The following GREM1 variants were observed in gnomAD, a reference collection of about 807,000 sequenced individuals.
GREM1 encodes gremlin 1, DAN family BMP antagonist.
GREM1 carries 6 observed loss-of-function variants against 13.1 expected under a neutral mutation model. That is an observed-to-expected ratio of 0.46 (90% CI 0.25 to 0.91). The LOEUF (loss-of-function observed/expected upper bound fraction) is 0.91. Ranked by LOEUF, GREM1 falls within the 40% of genes least tolerant of loss-of-function variation. The pLI, the probability that GREM1 is intolerant of heterozygous loss-of-function variation, is 0.18. For missense variants in GREM1, 185 were observed against 233.9 expected (o/e 0.79, Z 1.36); for synonymous variants, 98 against 93.7 (o/e 1.05, Z -0.27).
At position 32,730,144 on chromosome 15, in the gene GREM1, T is replaced by A. The variant is rs546287387; in HGVS notation, c.-1-546T>A. Among the ~76,000 whole-genome samples the A allele has an allele frequency of 7.9e-5, 12 of 152,334 alleles. 1 individual carries two copies. Among genetic ancestry groups the A allele is most frequent in the Admixed American group, 7.8e-4 (12 of 15,308 alleles). ...TGCACCAGGAGCGCGACCTTTCCTG[T>A]TTTGTTGTTTTCCCTCTGTCAAATG... is the stretch of plus-strand genomic sequence containing the variant. On this transcript the variant is annotated intron_variant, in intron 1 of 1. Coordinates refer to ENST00000651154, the MANE Select transcript of GREM1 (RefSeq NM_013372.7).
Position 32,738,125 on chromosome 15 carries a change from A to AAAAAAAAC in GREM1, c.*6887_*6888insCAAAAAAA. Reference sequence around the variant, plus strand: ...AAAAAAAAAAAAAAAAAAAAAAAAAAAAAAAAAAGAAAAGAAAAAAGTCAT... The same window carrying AAAAAAAAC: ...AAAAAAAAAAAAAAAAAAAAAAAAAAAAAAAAACAAAAAAAAGAAAAGAAAAAAGTCAT... On this transcript the variant is annotated 3_prime_UTR_variant, in exon 2 of 2. Coordinates refer to ENST00000651154, the MANE Select transcript of GREM1 (RefSeq NM_013372.7). 3.6e-5 allele frequency: 1 copy of AAAAAAAAC among 27,966 alleles called. No homozygotes were observed. Among genetic ancestry groups the AAAAAAAAC allele is most frequent in the Non-Finnish European group, 6.2e-5 (1 of 16,082 alleles). 1.7% of individuals were successfully genotyped at this position (27,966 alleles called of 1,614,324 possible).
Position 32,731,450 on chromosome 15 carries a change from G to A in GREM1, c.*205G>A. 1 of 611,716 alleles carries A rather than the reference G, an allele frequency of 1.6e-6. No individual in the cohort carries two copies. Among genetic ancestry groups the A allele is most frequent in the Admixed American group, 3.0e-5 (1 of 33,428 alleles). The allele number at this position is 611,716 out of a possible 1,614,324, so 37.9% of individuals were successfully genotyped here. A position where few individuals can be genotyped will look rare whatever the true frequency, so the allele number is the denominator to read the frequency against. ...GTTTTTAGACACCAGAGAAAACACA[G>A]TCTCTGCTAGAGAGCACTCCCTATT... On this transcript the variant is annotated 3_prime_UTR_variant, in exon 2 of 2. Coordinates refer to ENST00000651154, the MANE Select transcript of GREM1 (RefSeq NM_013372.7).
chr15:32,719,041 AG>A (rs946925171), intron 1 of GREM1: 5 of 155,848 alleles, frequency 3.2e-5, no homozygotes, highest in Admixed American at 6.2e-5. Flanking sequence ...GCGCCTCACT[AG>A]CTCCTGAGGA....
At position 32,735,431 on chromosome 15, in the gene GREM1, G is replaced by T. The variant is rs1444202325; in HGVS notation, c.*4186G>T. 6.6e-6 allele frequency: 1 copy of T among 152,090 alleles called. No homozygotes were observed. Among genetic ancestry groups the T allele is most frequent in the Non-Finnish European group, 1.5e-5 (1 of 68,024 alleles). 9.4% of individuals were successfully genotyped at this position (152,090 alleles called of 1,614,324 possible). ...ACTTATATGGTCTTACTGTGGCACTGGGTCCTTAAACATTATGCAAAACTG... is the reference window on the plus strand; with the variant it reads ...ACTTATATGGTCTTACTGTGGCACTTGGTCCTTAAACATTATGCAAAACTG... On this transcript the variant is annotated 3_prime_UTR_variant, in exon 2 of 2. Transcript: ENST00000651154.
At chr15:32,718,298 T>C in intron 1 of GREM1, 137 bp downstream of exon 1, 1 of 647,486 alleles carries the variant, frequency 1.5e-6, no homozygotes. Flanking sequence ...CGGGGGTGAA[T>C]TGTGAAGAAC....
intron 1 of GREM1, among the ~76,000 whole-genome samples, chr15:32,725,683 T>C (rs1211256129): frequency 1.3e-5 from 2 of 152,258 alleles, no homozygotes; most frequent in East Asian, 3.8e-4. Context: ...GCCATTGCTT[T>C]TGGTGTTTTA....
At position 32,740,755 on chromosome 15, in the gene GREM1, G is replaced by C. The variant is rs1378889827; in HGVS notation, c.*9510G>C. On this transcript the variant is annotated 3_prime_UTR_variant, in exon 2 of 2. Coordinates refer to ENST00000651154, the MANE Select transcript of GREM1 (RefSeq NM_013372.7). ...CAAGAAGCCCAAAGGTCATAAAAAA[G>C]TGATCCCAAAGCCTACAGGCATATT... is the stretch of plus-strand genomic sequence containing the variant. 1 of 152,142 alleles carries C rather than the reference G, an allele frequency of 6.6e-6. No homozygotes were observed. The highest frequency in any genetic ancestry group is 6.6e-5 in the Admixed American group (1 of 15,266). 9.4% of individuals were successfully genotyped at this position (152,142 alleles called of 1,614,324 possible).
rs2055664744 is a variant in GREM1 at position 32,734,019 on chromosome 15, C to CA, written c.*2775dup. On this transcript the variant is annotated 3_prime_UTR_variant, in exon 2 of 2. Coordinates refer to ENST00000651154, the MANE Select transcript of GREM1 (RefSeq NM_013372.7). The stretch of plus-strand genomic sequence containing the variant: ...TAATTATTACTTCAAATCCTTTGGT[C>CA]ACTGTGATTTCAAGCATGTTTTCTT... The CA allele has an allele frequency of 4.1e-6, 1 of 242,052 alleles. No homozygotes were observed. The highest frequency in any genetic ancestry group is 8.7e-6 in the Non-Finnish European group (1 of 114,490). The allele number at this position is 242,052 out of a possible 1,614,324, so 15.0% of individuals were successfully genotyped here. A position where few individuals can be genotyped will look rare whatever the true frequency, so the allele number is the denominator to read the frequency against.
Position 32,739,459 on chromosome 15 carries a change from C to G in GREM1, c.*8214C>G, listed in dbSNP as rs200658914. The G allele has an allele frequency of 5.9e-5, 9 of 152,190 alleles. No homozygotes were observed. The highest frequency in any genetic ancestry group is 3.2e-3 in the Middle Eastern group (1 of 316). The allele number at this position is 152,190 out of a possible 1,614,324, so 9.4% of individuals were successfully genotyped here. ...CCTGAATTAAGGCAGCAGCCCTAAACCTTTTTCTATAATCCTGATAGTGAT... is the reference window on the plus strand; with the variant it reads ...CCTGAATTAAGGCAGCAGCCCTAAAGCTTTTTCTATAATCCTGATAGTGAT... On this transcript the variant is annotated 3_prime_UTR_variant, in exon 2 of 2. Transcript: ENST00000651154.
At position 32,738,146 on chromosome 15, in the gene GREM1, G is replaced by T. The variant is rs1344612262; in HGVS notation, c.*6901G>T. 2.1e-4 allele frequency: 7 copies of T among 32,878 alleles called. No individual in the cohort carries two copies. Among genetic ancestry groups the T allele is most frequent in the Admixed American group, 6.0e-4 (2 of 3,314 alleles). 2.0% of individuals were successfully genotyped at this position (32,878 alleles called of 1,614,324 possible). ...AAAAAAAAAAAAAGAAAAGAAAAAA[G>T]TCATCCAGATTGGAAAAGAAATAAA... On this transcript the variant is annotated 3_prime_UTR_variant, in exon 2 of 2. Coordinates refer to ENST00000651154, the MANE Select transcript of GREM1 (RefSeq NM_013372.7).
Position 32,734,064 on chromosome 15 carries a change from T to C in GREM1, c.*2819T>C. 2 of 243,264 alleles carry C rather than the reference T, an allele frequency of 8.2e-6. No individual in the cohort carries two copies. The allele number at this position is 243,264 out of a possible 1,614,324, so 15.1% of individuals were successfully genotyped here. On this transcript the variant is annotated 3_prime_UTR_variant, in exon 2 of 2. Coordinates refer to ENST00000651154, the MANE Select transcript of GREM1 (RefSeq NM_013372.7). ...TTTCTTTTTCTCCTTTATATGACTT[T>C]CTCTGAGTTGGGCAAAGAAGAAGCT...
At chr15:32,718,853 C>G (rs1471895379) in intron 1 of GREM1, 2 of 219,132 alleles carry the variant, frequency 9.1e-6, no homozygotes, top group African/African-American at 2.3e-5. Context: ...ACCACACGCG[C>G]TCGCGGACCG....
Position 32,738,128 on chromosome 15 carries a change from AAAAAAG to A in GREM1, c.*6888_*6893del. 1 of 142,438 alleles carries A rather than the reference AAAAAAG, an allele frequency of 7.0e-6. No individual in the cohort carries two copies. Among genetic ancestry groups the A allele is most frequent in the African/African-American group, 2.6e-5 (1 of 38,294 alleles). 8.8% of individuals were successfully genotyped at this position (142,438 alleles called of 1,614,324 possible). A position where few individuals can be genotyped will look rare whatever the true frequency, so the allele number is the denominator to read the frequency against. ...AAAAAAAAAAAAAAAAAAAAAAAAAAAAAAAGAAAAGAAAAAAGTCATCCAGATTGG... is the reference window on the plus strand; with the variant it reads ...AAAAAAAAAAAAAAAAAAAAAAAAAAAAAAGAAAAAAGTCATCCAGATTGG... On this transcript the variant is annotated 3_prime_UTR_variant, in exon 2 of 2. Transcript: ENST00000651154.
chr15:32,726,947 G>A lies in GREM1; in HGVS notation c.-1-3743G>A, dbSNP rs138158733. On this transcript the variant is annotated intron_variant, in intron 1 of 1. Coordinates refer to ENST00000651154, the MANE Select transcript of GREM1 (RefSeq NM_013372.7). ...TTCCTGAACGCATACACCCTCCCAA[G>A]ACTAAACCAGGAAGAAGTTGAATCC... Among the ~76,000 whole-genome samples the A allele has an allele frequency of 2.5e-3, 374 of 152,186 alleles. 1 individual carries two copies. Among genetic ancestry groups the A allele is most frequent in the African/African-American group, 8.6e-3 (357 of 41,518 alleles).
intron 1 of GREM1, among the ~76,000 whole-genome samples, chr15:32,730,132 C>G (rs564182798): frequency 6.6e-6 from 1 of 152,188 alleles, no homozygotes; most frequent in Non-Finnish European, 1.5e-5. Flanking sequence ...ACCAGGAGCG[C>G]GACCTTTCCT....
rs1470656218 is a variant in GREM1 at position 32,741,856 on chromosome 15, TC to T, written c.*10612del. The T allele has an allele frequency of 6.6e-6, 1 of 152,192 alleles. No individual in the cohort carries two copies. Among genetic ancestry groups the T allele is most frequent in the Non-Finnish European group, 1.5e-5 (1 of 68,008 alleles). The allele number at this position is 152,192 out of a possible 1,614,324, so 9.4% of individuals were successfully genotyped here. A position where few individuals can be genotyped will look rare whatever the true frequency, so the allele number is the denominator to read the frequency against. ...TTAGGTTGAGGTACTTTTCCTCTAT[TC>T]TTAGTTTATTGAATGTTTTTCTCAT... On this transcript the variant is annotated 3_prime_UTR_variant, in exon 2 of 2. Transcript: ENST00000651154.
Position 32,730,843 on chromosome 15 carries a change from G to A in GREM1, c.153G>A (p.Gln51=). The A allele has an allele frequency of 6.2e-7, 1 of 1,613,806 alleles. No homozygotes were observed. Among genetic ancestry groups the A allele is most frequent in the Non-Finnish European group, 8.5e-7 (1 of 1,179,876 alleles). Reference sequence around the variant, plus strand: ...ACTCAGAGCAGACTCAGTCGCCCCAGCAGCCTGGCTCCAGGAACCGGGGGC... The same window carrying A: ...ACTCAGAGCAGACTCAGTCGCCCCAACAGCCTGGCTCCAGGAACCGGGGGC... ...HNDSEQTQSP[Q]QPGSRNRGRG... The change falls in exon 2 of 2, where the codon CAG becomes CAA. Residue 51 remains glutamine (Q), a synonymous_variant. Transcript: ENST00000651154.
Position 32,731,231 on chromosome 15 carries a change from A to C in GREM1, c.541A>C (p.Ile181Leu), listed in dbSNP as rs2055611401. Residue 181 changes from isoleucine to leucine, a missense_variant, in exon 2 of 2, where the codon ATC becomes CTC. Coordinates refer to ENST00000651154, the MANE Select transcript of GREM1 (RefSeq NM_013372.7). Reference sequence around the variant, plus strand: ...TGTGAAGCAGTGTCGTTGCATATCCATCGATTTGGATTAAGCCAAATCCAG... The same window carrying C: ...TGTGAAGCAGTGTCGTTGCATATCCCTCGATTTGGATTAAGCCAAATCCAG... ...TRVKQCRCIS[I>L]DLD The C allele has an allele frequency of 1.9e-6, 3 of 1,613,240 alleles. No individual in the cohort carries two copies. Among genetic ancestry groups the C allele is most frequent in the Non-Finnish European group, 2.5e-6 (3 of 1,179,430 alleles).
At chr15:32,730,124 C>T (rs970577342) in intron 1 of GREM1, among the ~76,000 whole-genome samples, 5 of 152,154 alleles carry the variant, frequency 3.3e-5, no homozygotes, top group Non-Finnish European at 5.9e-5. Context: ...GTTACTGCAC[C>T]AGGAGCGCGA....
Sources: gnomAD v4.1 joint callset for allele counts (sites outside exome capture counted in the v4.1 genomes callset) on GRCh38, gnomAD v4.1.1 for gene constraint, MANE v1.5 for transcripts, NCBI Gene and HGNC (gene_info 2026-07-23, HGNC 2026-07-21) for gene names.